Variants in LINGO2 observed in about 807,000 individuals in gnomAD.
LINGO2 encodes the protein leucine-rich repeat and immunoglobulin-like domain-containing nogo receptor-interacting protein 2.
A neutral mutation model predicts 30.6 loss-of-function variants in LINGO2; 14 were observed. The ratio of observed to expected loss-of-function variants is 0.46; its 90% CI spans 0.30 to 0.72. The LOEUF (loss-of-function observed/expected upper bound fraction) is 0.72, where lower values mean the gene tolerates loss of function less well. Among genes scored for constraint, LINGO2 ranks in the 30% least tolerant of loss-of-function variants. LINGO2 has a pLI of 0.07. For missense variants in LINGO2, 729 were observed against 751.7 expected (o/e 0.97, Z 0.35); for synonymous variants, 317 against 288.5 (o/e 1.10, Z -1.00).
At position 28,192,776 on chromosome 9, in the gene LINGO2, CTT is replaced by C. The variant is rs568157551; in HGVS notation, c.-87+102430_-87+102431del. ...TATCCGAGTGGCCAATCTGGGTTCT[CTT>C]TGACACAGTACTATATGTACATAAA... On this transcript the variant is annotated intron_variant, in intron 4 of 5. Coordinates refer to ENST00000379992, the Ensembl canonical transcript of LINGO2. Among the ~76,000 whole-genome samples, 321 of 152,208 alleles carry C rather than the reference CTT, an allele frequency of 2.1e-3. 2 individuals are homozygous for C. Among genetic ancestry groups the C allele is most frequent in the Non-Finnish European group, 1.2e-3 (84 of 68,012 alleles).
At chr9:27,991,736 T>TA (rs1821408412) in intron 5 of LINGO2, among the ~76,000 whole-genome samples, 1 of 152,086 alleles carries the variant, frequency 6.6e-6, no homozygotes, top group African/African-American at 2.4e-5. Context: ...CTCCTATGGA[T>TA]AGAACATTTT....
At chr9:28,966,534 T>C in the LINGO2 span, among the ~76,000 whole-genome samples, 1 of 152,088 alleles carries the variant, frequency 6.6e-6, no homozygotes, top group East Asian at 1.9e-4. Context: ...ATTCTCACAC[T>C]CATTATGTGA....
At chr9:28,092,306 T>A (rs373933653) in intron 4 of LINGO2, among the ~76,000 whole-genome samples, 17 of 152,028 alleles carry the variant, frequency 1.1e-4, no homozygotes, top group East Asian at 1.9e-4. Context: ...CAAATGTCCA[T>A]CAATGATAGA....
chr9:28,079,039 T>C (rs1825703225), intron 4 of LINGO2, among the ~76,000 whole-genome samples: 2 of 148,644 alleles, frequency 1.3e-5, no homozygotes, highest in African/African-American at 5.3e-5. Context: ...GGGAGCTCCC[T>C]GGTAAAATGG....
intron 4 of LINGO2, among the ~76,000 whole-genome samples, chr9:28,222,228 G>A (rs1820990020): frequency 6.6e-6 from 1 of 152,084 alleles, no homozygotes; most frequent in African/African-American, 2.4e-5. Context: ...ATAAAAATGT[G>A]GCAAATGTGA....
At chr9:28,795,320 A>AGACAATAAG in the LINGO2 span, among the ~76,000 whole-genome samples, 1 of 152,228 alleles carries the variant, frequency 6.6e-6, no homozygotes, top group Non-Finnish European at 1.5e-5. Context: ...CAGTCTAATC[A>AGACAATAAG]GACAATAAGG....
At chr9:28,053,410 C>A (rs969145853) in intron 4 of LINGO2, among the ~76,000 whole-genome samples, 5 of 152,054 alleles carry the variant, frequency 3.3e-5, no homozygotes, top group African/African-American at 1.2e-4. Flanking sequence ...AGAGCAAACA[C>A]AAACACATTT....
At chr9:28,365,765 CT>C (rs34259621) in intron 3 of LINGO2, among the ~76,000 whole-genome samples, 59,825 of 132,602 alleles carry the variant, frequency 0.45, 14,973 homozygotes, top group Non-Finnish European at 0.57. Context: ...TTTGGATCCT[CT>C]TTTTTTTTTT....
the LINGO2 span, among the ~76,000 whole-genome samples, chr9:28,970,985 C>T: frequency 6.6e-6 from 1 of 152,152 alleles, no homozygotes; most frequent in Admixed American, 6.5e-5. Context: ...ATTCTTTCCC[C>T]TTGAGGAGAG....
At chr9:28,870,088 C>A in the LINGO2 span, among the ~76,000 whole-genome samples, 2 of 151,502 alleles carry the variant, frequency 1.3e-5, no homozygotes, top group Non-Finnish European at 1.5e-5. Flanking sequence ...GGATTTGTTA[C>A]TTTATTTTCC....
At chr9:28,640,768 C>T (rs531852322) in intron 1 of LINGO2, among the ~76,000 whole-genome samples, 1 of 152,116 alleles carries the variant, frequency 6.6e-6, no homozygotes, top group East Asian at 1.9e-4. Flanking sequence ...GCCATGGGTT[C>T]GAACTTCCTC....
chr9:28,355,835 C>T (rs970361343), intron 3 of LINGO2, among the ~76,000 whole-genome samples: 2 of 152,100 alleles, frequency 1.3e-5, no homozygotes, highest in African/African-American at 2.4e-5. Flanking sequence ...AAACATCTAT[C>T]ACCAGAGGTT....
At chr9:28,672,905 A>G (rs1829076990), upstream of LINGO2, among the ~76,000 whole-genome samples, 1 of 152,140 alleles carries the variant, frequency 6.6e-6, no homozygotes, top group Non-Finnish European at 1.5e-5. Context: ...CTAAGACTCA[A>G]TATTATTTGA....
intron 4 of LINGO2, among the ~76,000 whole-genome samples, chr9:28,214,270 C>T (rs1820691089): frequency 6.6e-6 from 1 of 151,502 alleles, no homozygotes; most frequent in Admixed American, 6.6e-5. Flanking sequence ...TTCTCTTTGC[C>T]TGAACAAAGA....
the LINGO2 span, among the ~76,000 whole-genome samples, chr9:28,880,037 T>C: frequency 1.3e-5 from 2 of 152,326 alleles, no homozygotes; most frequent in Middle Eastern, 3.4e-3. Flanking sequence ...GATTCAATGA[T>C]TTTATTGACG....
chr9:28,615,053 A>G (rs768857336), intron 1 of LINGO2, among the ~76,000 whole-genome samples: 16 of 152,140 alleles, frequency 1.1e-4, no homozygotes, highest in Non-Finnish European at 2.2e-4. Context: ...AAAATATAAA[A>G]TTAAGGGAGG....
chr9:28,218,030 A>G (rs1820829065), intron 4 of LINGO2, among the ~76,000 whole-genome samples: 1 of 151,302 alleles, frequency 6.6e-6, no homozygotes, highest in Admixed American at 6.6e-5. Flanking sequence ...TAATTTGGAA[A>G]GGGACAGAGA....
chr9:29,156,286 A>G, the LINGO2 span, among the ~76,000 whole-genome samples: 53 of 152,222 alleles, frequency 3.5e-4, no homozygotes, highest in Middle Eastern at 0.01. Flanking sequence ...GACTTTTCAC[A>G]ATACACTGAG....
chr9:28,679,709 A>G, the LINGO2 span, among the ~76,000 whole-genome samples: 2 of 152,170 alleles, frequency 1.3e-5, no homozygotes, highest in Admixed American at 1.3e-4. Flanking sequence ...GGAGATAAAA[A>G]CATGAAAAGA....
Sources: allele counts gnomAD v4.1 joint callset (sites outside exome capture counted in the v4.1 genomes callset), GRCh38; gene constraint gnomAD v4.1.1; transcripts MANE v1.5; gene names NCBI Gene and HGNC (gene_info 2026-07-23, HGNC 2026-07-21).